GPAM: variants seen among roughly 807,000 people sequenced by gnomAD.
GPAM encodes glycerol-3-phosphate acyltransferase, mitochondrial.
A neutral mutation model predicts 105.0 loss-of-function variants in GPAM; 56 were observed. The observed-to-expected ratio is 0.53, with a 90% CI of 0.43 to 0.67. The LOEUF (loss-of-function observed/expected upper bound fraction) is 0.67, where lower values mean the gene tolerates loss of function less well. Ranked by LOEUF, GPAM falls within the 30% of genes least tolerant of loss-of-function variation. The pLI, the probability that GPAM is intolerant of heterozygous loss-of-function variation, is 0.00. For missense variants in GPAM, 855 were observed against 989.8 expected (o/e 0.86, Z 1.83); for synonymous variants, 368 against 354.4 (o/e 1.04, Z -0.43).
chr10:112,168,874 G>C lies in GPAM; in HGVS notation c.873C>G (p.Leu291=), dbSNP rs1260285221. The C allele has an allele frequency of 3.1e-6, 5 of 1,606,020 alleles. No homozygotes were observed. Among genetic ancestry groups the C allele is most frequent in the Non-Finnish European group, 4.3e-6 (5 of 1,172,638 alleles). ...DETPDGRKDV[L]YRALLHGHIV... ...ATACCCCATGGAGCAAAGCTCTATA[G>C]AGAACATCTTTCCGTCCATCTGGTG... Residue 291 remains leucine (L), a synonymous_variant, in exon 10 of 22, where the codon CTC becomes CTG. Transcript: ENST00000348367.
At chr10:112,204,096 AC>A in intron 1 of GPAM, among the ~76,000 whole-genome samples, 1 of 152,220 alleles carries the variant, frequency 6.6e-6, no homozygotes, top group South Asian at 2.1e-4. Flanking sequence ...GACACTAAGA[AC>A]CCGTGCCTAA....
At position 112,192,636 on chromosome 10, in the gene GPAM, C is replaced by T. The variant is rs533220087; in HGVS notation, n.211-9745G>A. 8.8e-4 allele frequency among the ~76,000 whole-genome samples: 134 copies of T among 152,250 alleles called. 1 individual carries two copies. The highest frequency in any genetic ancestry group is 3.1e-3 in the African/African-American group (127 of 41,546). ...CAGAGAGTGAGAACTGAACCAAGGC[C>T]AGTGTGGCTGGAGTGGGTAAGTGGG... On this transcript the variant is annotated intron_variant and non_coding_transcript_variant, in intron 1 of 3. Transcript: ENST00000480130.
intron 21 of GPAM, 124 bp from the exon 22 acceptor site, chr10:112,153,790 T>G: frequency 9.5e-7 from 1 of 1,056,176 alleles, no homozygotes; most frequent in Non-Finnish European, 1.4e-6. Flanking sequence ...AACCATATCC[T>G]GGCATTAAGT....
chr10:112,188,809 C>T (rs1482662088), intron 1 of GPAM, among the ~76,000 whole-genome samples: 1 of 152,114 alleles, frequency 6.6e-6, no homozygotes, highest in Non-Finnish European at 1.5e-5. Flanking sequence ...TATTATGATC[C>T]TTAATTTACA....
chr10:112,163,683 G>A lies in GPAM; in HGVS notation c.1423+18C>T. 1 of 1,062,622 alleles carries A rather than the reference G, an allele frequency of 9.4e-7. No individual in the cohort carries two copies. The highest frequency in any genetic ancestry group is 1.5e-6 in the Non-Finnish European group (1 of 676,224). 65.8% of individuals were successfully genotyped at this position (1,062,622 alleles called of 1,614,324 possible). A position where few individuals can be genotyped will look rare whatever the true frequency, so the allele number is the denominator to read the frequency against. ...TGAATCTAAATTGTAGAATTAAAGA[G>A]TCTGGTATTCTACTTACTGAATAGA... On this transcript the variant is annotated intron_variant, in intron 14 of 21. Transcript: ENST00000348367.
In GPAM at chr10:112,181,823, A is replaced by G; in HGVS notation, c.-29-10T>C. 9.1e-7 allele frequency: 1 copy of G among 1,094,190 alleles called. No homozygotes were observed. The highest frequency in any genetic ancestry group is 1.4e-6 in the Non-Finnish European group (1 of 706,222). 67.8% of individuals were successfully genotyped at this position (1,094,190 alleles called of 1,614,324 possible). On this transcript the variant is annotated splice_polypyrimidine_tract_variant and intron_variant, in intron 2 of 21. Coordinates refer to ENST00000348367, the MANE Select transcript of GPAM (RefSeq NM_001244949.2). Reference sequence around the variant, plus strand: ...ATTCCCAAATCATGTGCTATAAAAAATAGGTACCATTTAAATTAACAAGGA... The same window carrying G: ...ATTCCCAAATCATGTGCTATAAAAAGTAGGTACCATTTAAATTAACAAGGA...
At position 112,204,537 on chromosome 10, in the gene GPAM, G is replaced by T. The variant is rs1589609943; in HGVS notation, n.210+10631C>A. 1.3e-5 allele frequency among the ~76,000 whole-genome samples: 2 copies of T among 151,076 alleles called. 1 individual carries two copies. The highest frequency in any genetic ancestry group is 6.8e-3 in the Middle Eastern group (2 of 294). The stretch of plus-strand genomic sequence containing the variant: ...AGTTTATTTATTGCATGTCTACTAT[G>T]ATCTGTTGTTTTCCTATAAACTGGG... On this transcript the variant is annotated intron_variant and non_coding_transcript_variant, in intron 1 of 3. Coordinates refer to the GPAM transcript ENST00000480130.
intron 1 of GPAM, among the ~76,000 whole-genome samples, chr10:112,206,469 C>G (rs889126235): frequency 2.0e-5 from 2 of 98,962 alleles, no homozygotes; most frequent in African/African-American, 1.0e-4. Flanking sequence ...CACATATACA[C>G]CATGGAATAC....
upstream of GPAM, among the ~76,000 whole-genome samples, chr10:112,219,138 G>A (rs58557348): frequency 8.7e-3 from 1,321 of 152,344 alleles, 25 homozygotes; most frequent in African/African-American, 0.029. Context: ...GACGACAAAT[G>A]TGGTGACTGA....
chr10:112,156,595 C>T (rs528877286), intron 19 of GPAM: 1 of 175,568 alleles, frequency 5.7e-6, no homozygotes, highest in Non-Finnish European at 1.2e-5. Flanking sequence ...CTACCCAAAA[C>T]ACACTGGTTC....
At chr10:112,156,857 A>G (rs1847027528) in intron 19 of GPAM, 2 of 285,944 alleles carry the variant, frequency 7.0e-6, no homozygotes, top group African/African-American at 4.3e-5. Flanking sequence ...AATTGACAGC[A>G]AAGAGCTTAA....
intron 1 of GPAM, among the ~76,000 whole-genome samples, chr10:112,200,312 CAG>C (rs1399216632): frequency 2.0e-5 from 3 of 149,442 alleles, no homozygotes; most frequent in Admixed American, 1.3e-4. Flanking sequence ...GTTTTTGAGA[CAG>C]AGTCTCACTG....
chr10:112,163,447 T>A (rs1847158150), intron 14 of GPAM, among the ~76,000 whole-genome samples: 1 of 31,284 alleles, frequency 3.2e-5, no homozygotes, highest in African/African-American at 9.8e-5. Flanking sequence ...CAAATCATTT[T>A]AATAATAACT....
intron 5 of GPAM, among the ~76,000 whole-genome samples, chr10:112,177,097 C>A (rs2792759): frequency 6.6e-6 from 1 of 151,934 alleles, no homozygotes; most frequent in Non-Finnish European, 1.5e-5. Flanking sequence ...AATTTAAATG[C>A]AAATTTAAAA....
In GPAM at chr10:112,150,994, T is replaced by C; in HGVS notation, c.*2556A>G. 1.0e-6 allele frequency: 1 copy of C among 985,546 alleles called. No individual in the cohort carries two copies. Among genetic ancestry groups the C allele is most frequent in the Non-Finnish European group, 1.2e-6 (1 of 829,660 alleles). 61.1% of individuals were successfully genotyped at this position (985,546 alleles called of 1,614,324 possible). On this transcript the variant is annotated 3_prime_UTR_variant, in exon 22 of 22. Transcript: ENST00000348367. The stretch of plus-strand genomic sequence containing the variant: ...GTTAACAGTTCTACACATTTCCCAC[T>C]AGTTTTTGCCTTTGTTTTTCATGCA...
the GPAM span, among the ~76,000 whole-genome samples, chr10:112,226,663 T>C: frequency 6.6e-6 from 1 of 151,946 alleles, no homozygotes; most frequent in Non-Finnish European, 1.5e-5. Flanking sequence ...GAGAAACAGG[T>C]GGTGAGGTTG....
intron 5 of GPAM, 54 bp downstream of exon 5, chr10:112,177,930 A>G: frequency 1.1e-6 from 1 of 927,628 alleles, no homozygotes; most frequent in South Asian, 1.3e-5. Context: ...TTAACTGATT[A>G]TTATGAAGTT....
chr10:112,157,328 G>C lies in GPAM; in HGVS notation c.2042C>G (p.Pro681Arg), dbSNP rs1847035585. 1 of 1,613,522 alleles carries C rather than the reference G, an allele frequency of 6.2e-7. No individual in the cohort carries two copies. Among genetic ancestry groups the C allele is most frequent in the African/African-American group, 1.3e-5 (1 of 75,044 alleles). Residue 681 changes from proline to arginine, a missense_variant, in exon 19 of 22, where the codon CCA becomes CGA. Physicochemically the swap from Pro to Arg is moderately radical, Grantham distance 103. Coordinates refer to ENST00000348367, the MANE Select transcript of GPAM (RefSeq NM_001244949.2). ...ATCACTTCTCCAAGACAAAGGTTCT[G>C]GAAGCTTCTTGTCCCACTGCTGCTC... ...LAEQQWDKKLPEPLSWRSDEE... is the reference protein window; with the variant it reads ...LAEQQWDKKLREPLSWRSDEE...
At chr10:112,154,550 C>T (rs1846980114) in intron 21 of GPAM, 79 bp downstream of exon 21, 5 of 1,083,560 alleles carry the variant, frequency 4.6e-6, no homozygotes, top group Non-Finnish European at 7.2e-6. Context: ...CACCCCACCA[C>T]AAAGGTAGCT....
Sources: allele counts gnomAD v4.1 joint callset (sites outside exome capture counted in the v4.1 genomes callset), GRCh38; gene constraint gnomAD v4.1.1; transcripts MANE v1.5; gene names NCBI Gene and HGNC (gene_info 2026-07-23, HGNC 2026-07-21).